Variants in PDZD2 observed in about 807,000 individuals in gnomAD.
The protein encoded by PDZD2 is PDZ domain containing 2, also known as PDZ domain-containing protein 2.
A neutral mutation model predicts 220.7 loss-of-function variants in PDZD2; 90 were observed. The ratio of observed to expected loss-of-function variants is 0.41; its 90% CI spans 0.34 to 0.49. The LOEUF (loss-of-function observed/expected upper bound fraction) is 0.49, where lower values mean the gene tolerates loss of function less well. Ranked by LOEUF, PDZD2 falls within the 20% of genes least tolerant of loss-of-function variation. The pLI is 0.28. For missense variants in PDZD2, 3,174 were observed against 3,608.5 expected (o/e 0.88, Z 3.08); for synonymous variants, 1,375 against 1,450.5 (o/e 0.95, Z 1.18).
At chr5:31,817,578 G>C (rs1755547118) in intron 2 of PDZD2, among the ~76,000 whole-genome samples, 1 of 152,124 alleles carries the variant, frequency 6.6e-6, no homozygotes, top group Non-Finnish European at 1.5e-5. Context: ...GTTAAACCAA[G>C]TTTTTGAAAA....
intron 2 of PDZD2, among the ~76,000 whole-genome samples, chr5:31,802,643 G>A (rs766001125): frequency 5.9e-5 from 9 of 152,184 alleles, no homozygotes; most frequent in South Asian, 2.1e-4. Flanking sequence ...CACATGAGCC[G>A]TGCGCCGTGG....
chr5:31,897,786 G>A (rs1442212413), intron 2 of PDZD2, among the ~76,000 whole-genome samples: 1 of 151,708 alleles, frequency 6.6e-6, no homozygotes, highest in Non-Finnish European at 1.5e-5. Flanking sequence ...GTCCAGGCTG[G>A]GGTGCAGTGG....
At chr5:32,030,822 A>T (rs901604010) in intron 6 of PDZD2, among the ~76,000 whole-genome samples, 1 of 151,484 alleles carries the variant, frequency 6.6e-6, no homozygotes, top group African/African-American at 2.4e-5. Context: ...GCCAGGCCCC[A>T]CCCCCTTGGT....
intron 1 of PDZD2, among the ~76,000 whole-genome samples, chr5:31,666,974 C>T (rs989777151): frequency 7.9e-5 from 12 of 152,044 alleles, no homozygotes; most frequent in Non-Finnish European, 1.8e-4. Context: ...CGGTGGCTCA[C>T]GCCTGTAATC....
intron 2 of PDZD2, among the ~76,000 whole-genome samples, chr5:31,906,365 C>T (rs968365370): frequency 2.0e-5 from 3 of 150,896 alleles, no homozygotes; most frequent in Non-Finnish European, 4.4e-5. Flanking sequence ...TCAGGTGATC[C>T]TCCCACCTCA....
intron 2 of PDZD2, among the ~76,000 whole-genome samples, chr5:31,810,301 C>T (rs933788211): frequency 1.4e-5 from 2 of 139,572 alleles, no homozygotes; most frequent in Non-Finnish European, 3.0e-5. Flanking sequence ...CTTACTCTGT[C>T]GCCCAGGCTG....
intron 1 of PDZD2, among the ~76,000 whole-genome samples, chr5:31,747,071 A>G (rs10461902): frequency 0.088 from 13,415 of 152,186 alleles, 969 homozygotes; most frequent in East Asian, 0.35. Context: ...GCTACTCGGG[A>G]GGCTGAGGCA....
At chr5:31,640,941 A>T (rs1255828645) in intron 1 of PDZD2, among the ~76,000 whole-genome samples, 1 of 152,108 alleles carries the variant, frequency 6.6e-6, no homozygotes, top group Admixed American at 6.5e-5. Flanking sequence ...ATATAAATGT[A>T]CCTACCTTGA....
chr5:31,713,898 A>T (rs1306490117), intron 1 of PDZD2, among the ~76,000 whole-genome samples: 1 of 152,178 alleles, frequency 6.6e-6, no homozygotes, highest in Non-Finnish European at 1.5e-5. Flanking sequence ...TGCTCACCAG[A>T]TGCAGATGCC....
chr5:32,088,014 C>A lies in PDZD2; in HGVS notation c.4566C>A (p.Asn1522Lys), dbSNP rs779482380. The change falls in exon 20 of 25, where the codon AAC (asparagine) becomes AAA (lysine). Residue 1522 changes from asparagine (N) to lysine (K), a missense_variant. Asn to Lys is a moderately conservative substitution (Grantham distance 94). This residue lies in a region of PDZD2 where 1,861 missense variants were observed against 2,001.0 expected (regional missense o/e 0.93). Transcript: ENST00000438447. The surrounding 1 kb of genome is among the most constrained non-coding windows in gnomAD (Gnocchi z 4.6). ...HFTVNKNFLSNYSRNFSSFHE... is the reference protein window; with the variant it reads ...HFTVNKNFLSKYSRNFSSFHE... ...CTGTGAACAAAAACTTTCTGAGCAA[C>A]TACTCTAGAAATTTTAGCAGTTTTC... The A allele has an allele frequency of 2.7e-5, 44 of 1,614,094 alleles. No individual in the cohort carries two copies. The Admixed American group carries it at 5.5e-4, about 20-fold the overall frequency.
chr5:31,722,277 C>T (rs1313127257), intron 1 of PDZD2, among the ~76,000 whole-genome samples: 1 of 152,198 alleles, frequency 6.6e-6, no homozygotes, highest in African/African-American at 2.4e-5. Flanking sequence ...GCTCCTCCCT[C>T]TCACCTTGGC....
intron 2 of PDZD2, among the ~76,000 whole-genome samples, chr5:31,963,851 GC>G (rs1428295357): frequency 6.6e-6 from 1 of 151,992 alleles, no homozygotes; most frequent in African/African-American, 2.4e-5. Context: ...ATCCCCCAAT[GC>G]CCAGCACCCA....
chr5:32,018,038 A>G (rs1753907518), intron 6 of PDZD2, among the ~76,000 whole-genome samples: 1 of 152,238 alleles, frequency 6.6e-6, no homozygotes. Context: ...GTCACATTAT[A>G]GCTCAAGGCA....
chr5:31,925,849 A>C (rs1561096870), intron 2 of PDZD2, among the ~76,000 whole-genome samples: 1 of 152,186 alleles, frequency 6.6e-6, no homozygotes, highest in Non-Finnish European at 1.5e-5. Flanking sequence ...GCCAGCAAAC[A>C]TGAAAAAATG....
At chr5:31,997,809 A>G (rs1211680994) in intron 4 of PDZD2, among the ~76,000 whole-genome samples, 1 of 152,176 alleles carries the variant, frequency 6.6e-6, no homozygotes, top group African/African-American at 2.4e-5. Flanking sequence ...GATGAGAGAA[A>G]TGAAAGAGGG....
intron 2 of PDZD2, among the ~76,000 whole-genome samples, chr5:31,858,521 A>G (rs759527268): frequency 4.6e-5 from 7 of 152,244 alleles, no homozygotes; most frequent in Non-Finnish European, 8.8e-5. Flanking sequence ...ACTTTGAAAC[A>G]AAGATGATTA....
At chr5:31,881,284 G>A (rs550956285) in intron 2 of PDZD2, among the ~76,000 whole-genome samples, 1 of 150,480 alleles carries the variant, frequency 6.6e-6, no homozygotes, top group South Asian at 2.1e-4. Context: ...CCAGGAATGT[G>A]TTTTTAATGA....
At chr5:32,010,773 A>G (rs1016954988) in intron 6 of PDZD2, 33 of 423,778 alleles carry the variant, frequency 7.8e-5, no homozygotes, top group Non-Finnish European at 1.5e-4. Context: ...AGGCAGGTGG[A>G]TCACCTGAGG....
intron 24 of PDZD2, among the ~76,000 whole-genome samples, chr5:32,105,830 C>T (rs1744708848): frequency 6.6e-6 from 1 of 152,130 alleles, no homozygotes; most frequent in South Asian, 2.1e-4. Context: ...TCAGTTTGGC[C>T]TCATGTAATA....
Sources: allele counts gnomAD v4.1 joint callset (sites outside exome capture counted in the v4.1 genomes callset), GRCh38; gene constraint gnomAD v4.1.1; regional missense constraint gnomAD v4.1.1; non-coding constraint Gnocchi (gnomAD v3.1); transcripts MANE v1.5; gene names NCBI Gene and HGNC (gene_info 2026-07-23, HGNC 2026-07-21).